LRRC4C: variants seen among roughly 807,000 people sequenced by gnomAD.
LRRC4C encodes leucine rich repeat containing 4C.
A neutral mutation model predicts 33.6 loss-of-function variants in LRRC4C; 5 were observed. The ratio of observed to expected loss-of-function variants is 0.15; its 90% CI spans 0.08 to 0.31. The LOEUF is 0.31. Ranked by LOEUF, LRRC4C falls within the 10% of genes least tolerant of loss-of-function variation. The probability of loss-of-function intolerance (pLI) is 1.00; values close to 1 mark genes in which losing one functional copy is unlikely to be tolerated. For missense variants in LRRC4C, 560 were observed against 796.7 expected (o/e 0.70, Z 3.58); for synonymous variants, 329 against 302.0 (o/e 1.09, Z -0.93).
chr11:41,354,736 T>C (rs1952098877), intron 1 of LRRC4C, among the ~76,000 whole-genome samples: 1 of 151,788 alleles, frequency 6.6e-6, no homozygotes, highest in African/African-American at 2.4e-5. Flanking sequence ...TTCAACAAAG[T>C]CAATAATAAG....
At chr11:40,594,829 GA>G (rs1565541063) in intron 3 of LRRC4C, among the ~76,000 whole-genome samples, 1 of 151,810 alleles carries the variant, frequency 6.6e-6, no homozygotes. Flanking sequence ...TGTTTTTGTA[GA>G]AATATTAAAA....
intron 1 of LRRC4C, among the ~76,000 whole-genome samples, chr11:41,437,708 G>A (rs1386527688): frequency 6.6e-6 from 1 of 151,766 alleles, no homozygotes; most frequent in African/African-American, 2.4e-5. Context: ...TGACTTTTTT[G>A]CGCTAAAGAG....
At chr11:40,284,651 G>A (rs972415089) in intron 4 of LRRC4C, among the ~76,000 whole-genome samples, 10 of 152,166 alleles carry the variant, frequency 6.6e-5, no homozygotes, top group Non-Finnish European at 1.0e-4. Context: ...AGGCCATAGC[G>A]AGATAGACCA....
chr11:41,095,340 A>C (rs768694349), intron 1 of LRRC4C, among the ~76,000 whole-genome samples: 21 of 152,294 alleles, frequency 1.4e-4, no homozygotes, highest in Non-Finnish European at 2.2e-4. Context: ...CCCTCAAGAC[A>C]TCGGGATTAC....
Position 41,406,410 on chromosome 11 carries a change from A to G in LRRC4C, c.-496+53021T>C, listed in dbSNP as rs542782574. Among the ~76,000 whole-genome samples the G allele has an allele frequency of 1.2e-4, 18 of 152,250 alleles. No homozygotes were observed. In the East Asian group the frequency reaches 3.5e-3, roughly 29 times the overall value. ...GCTTGCTTGACTTTAGGAAATATAT[A>G]CAAAGTTGATTTTCAATTAAGATTC... On this transcript the variant is annotated intron_variant, in intron 1 of 6. Coordinates refer to ENST00000528697, the MANE Select transcript of LRRC4C (RefSeq NM_001258419.2).
Position 40,411,484 on chromosome 11 carries a change from C to T in LRRC4C, c.-269-91763G>A, listed in dbSNP as rs183572265. Among the ~76,000 whole-genome samples, 509 of 152,148 alleles carry T rather than the reference C, an allele frequency of 3.3e-3. 2 individuals are homozygous for T. Among genetic ancestry groups the T allele is most frequent in the Middle Eastern group, 6.8e-3 (2 of 294 alleles). On this transcript the variant is annotated intron_variant, in intron 3 of 6. Coordinates refer to ENST00000528697, the MANE Select transcript of LRRC4C (RefSeq NM_001258419.2). Reference sequence around the variant, plus strand: ...CCATTATCTAATCACATTGAAGATCCACTGCTCCGGAATGTATTTATTTCT... The same window carrying T: ...CCATTATCTAATCACATTGAAGATCTACTGCTCCGGAATGTATTTATTTCT...
At chr11:40,136,468 AG>A (rs1258668714) in intron 6 of LRRC4C, among the ~76,000 whole-genome samples, 2 of 145,760 alleles carry the variant, frequency 1.4e-5, no homozygotes, top group Non-Finnish European at 3.0e-5. Context: ...AGTAGAGACC[AG>A]GTTTCACCAT....
chr11:40,225,986 G>C (rs1864766769), intron 5 of LRRC4C, among the ~76,000 whole-genome samples: 1 of 152,138 alleles, frequency 6.6e-6, no homozygotes, highest in South Asian at 2.1e-4. Context: ...TTCTAACTGA[G>C]AGACTACATA....
chr11:41,290,872 G>C (rs73483702), intron 1 of LRRC4C, among the ~76,000 whole-genome samples: 19,373 of 152,100 alleles, frequency 0.13, 1,373 homozygotes, highest in Middle Eastern at 0.24. Context: ...AGATGATGGA[G>C]AGACCCTGAC....
intron 6 of LRRC4C, among the ~76,000 whole-genome samples, chr11:40,133,887 A>G (rs1316119360): frequency 6.6e-6 from 1 of 152,222 alleles, no homozygotes; most frequent in Non-Finnish European, 1.5e-5. Context: ...TTGAGTGCCT[A>G]CCAAATTTCA....
intron 3 of LRRC4C, among the ~76,000 whole-genome samples, chr11:40,593,020 G>C (rs1264322532): frequency 6.6e-6 from 1 of 152,182 alleles, no homozygotes; most frequent in African/African-American, 2.4e-5. Context: ...CTTTTGAAGA[G>C]AGTAAATTTA....
chr11:40,594,792 T>C (rs944935629), intron 3 of LRRC4C, among the ~76,000 whole-genome samples: 8 of 152,222 alleles, frequency 5.3e-5, no homozygotes, highest in African/African-American at 1.9e-4. Context: ...ACATTTGATG[T>C]TTTTCTCATT....
intron 3 of LRRC4C, among the ~76,000 whole-genome samples, chr11:40,545,513 G>T (rs770475957): frequency 5.3e-5 from 8 of 152,018 alleles, no homozygotes; most frequent in African/African-American, 1.7e-4. Flanking sequence ...GGAAGGGAAA[G>T]TATAGGTTAA....
intron 2 of LRRC4C, among the ~76,000 whole-genome samples, chr11:40,734,966 G>A (rs998463597): frequency 1.3e-5 from 2 of 151,842 alleles, no homozygotes; most frequent in Non-Finnish European, 2.9e-5. Flanking sequence ...ACAAAAAAAA[G>A]GAGAGAAAAA....
chr11:40,303,218 A>T (rs1944864697), intron 4 of LRRC4C, among the ~76,000 whole-genome samples: 1 of 152,148 alleles, frequency 6.6e-6, no homozygotes, highest in Non-Finnish European at 1.5e-5. Flanking sequence ...AAGGCAGAAG[A>T]TCTGGAGTTG....
At chr11:41,152,236 G>T (rs1944032407) in intron 1 of LRRC4C, among the ~76,000 whole-genome samples, 1 of 152,130 alleles carries the variant, frequency 6.6e-6, no homozygotes, top group African/African-American at 2.4e-5. Context: ...ATATTGCATT[G>T]TTATCCTCAT....
At chr11:41,208,650 T>C (rs984610539) in intron 1 of LRRC4C, among the ~76,000 whole-genome samples, 1 of 152,314 alleles carries the variant, frequency 6.6e-6, no homozygotes, top group South Asian at 2.1e-4. Flanking sequence ...TCCTACAGGA[T>C]GGGACAACAG....
intron 1 of LRRC4C, among the ~76,000 whole-genome samples, chr11:41,026,239 G>A (rs1856347485): frequency 6.6e-6 from 1 of 151,608 alleles, no homozygotes; most frequent in Admixed American, 6.6e-5. Flanking sequence ...TTCATGGGAG[G>A]AGGCCAAAAT....
intron 3 of LRRC4C, among the ~76,000 whole-genome samples, chr11:40,489,548 A>C (rs1419701064): frequency 6.6e-6 from 1 of 152,116 alleles, no homozygotes; most frequent in African/African-American, 2.4e-5. Context: ...CCTTGAGGGC[A>C]GAAATTTGTT....
Sources: allele counts gnomAD v4.1 joint callset (sites outside exome capture counted in the v4.1 genomes callset), GRCh38; gene constraint gnomAD v4.1.1; transcripts MANE v1.5; gene names NCBI Gene and HGNC (gene_info 2026-07-23, HGNC 2026-07-21).